LINGO2: variants seen among roughly 807,000 people sequenced by gnomAD.
LINGO2 encodes the protein leucine-rich repeat and immunoglobulin-like domain-containing nogo receptor-interacting protein 2.
A neutral mutation model predicts 30.6 loss-of-function variants in LINGO2; 14 were observed. The observed-to-expected ratio is 0.46, with a 90% CI of 0.30 to 0.72. LINGO2 has a LOEUF of 0.72. Ranked by LOEUF, LINGO2 falls within the 30% of genes least tolerant of loss-of-function variation. The pLI, the probability that LINGO2 is intolerant of heterozygous loss-of-function variation, is 0.07. For synonymous variants in LINGO2, 317 were observed against 288.5 expected, an observed-to-expected ratio of 1.10 and a Z score of -1.00; for missense variants, 729 against 751.7, an observed-to-expected ratio of 0.97 and a Z score of 0.35.
the LINGO2 span, among the ~76,000 whole-genome samples, chr9:28,934,693 A>T: frequency 2.3e-5 from 2 of 88,002 alleles, no homozygotes; most frequent in Admixed American, 2.5e-4. Flanking sequence ...TAAAAAAGTT[A>T]AAACAATAAA....
At chr9:28,956,026 C>T in the LINGO2 span, among the ~76,000 whole-genome samples, 3 of 151,772 alleles carry the variant, frequency 2.0e-5, no homozygotes, top group African/African-American at 7.3e-5. Flanking sequence ...ATGCTATATT[C>T]ACTGTAAGTA....
intron 3 of LINGO2, among the ~76,000 whole-genome samples, chr9:28,346,368 A>G (rs556469706): frequency 3.9e-5 from 6 of 152,310 alleles, no homozygotes; most frequent in Non-Finnish European, 8.8e-5. Flanking sequence ...CACAAAGGAC[A>G]TGATCTCATT....
chr9:29,033,893 CA>C, the LINGO2 span, among the ~76,000 whole-genome samples: 1 of 151,858 alleles, frequency 6.6e-6, no homozygotes, highest in Non-Finnish European at 1.5e-5. Context: ...CCAGCCTGGC[CA>C]ATATGGTGCA....
At chr9:28,468,439 T>C (rs1825395627) in intron 2 of LINGO2, among the ~76,000 whole-genome samples, 2 of 152,140 alleles carry the variant, frequency 1.3e-5, no homozygotes, top group Admixed American at 1.3e-4. Flanking sequence ...ACCAGTGGCA[T>C]GCATGCAAAA....
Position 28,436,497 on chromosome 9 carries a change from G to C in LINGO2, c.-279+39443C>G, listed in dbSNP as rs1356141146. On this transcript the variant is annotated intron_variant, in intron 2 of 5. Transcript: ENST00000379992. Reference sequence around the variant, plus strand: ...TTTTGAGATGGAGTCTCGCTCTGTCGCCAAGGCTGGAATGCAGTGGCGCAG... The same window carrying C: ...TTTTGAGATGGAGTCTCGCTCTGTCCCCAAGGCTGGAATGCAGTGGCGCAG... Among the ~76,000 whole-genome samples the C allele has an allele frequency of 3.3e-5, 5 of 150,842 alleles. No individual in the cohort carries two copies. In the East Asian group the frequency reaches 9.7e-4, roughly 29 times the overall value.
chr9:28,402,717 C>G (rs1461843889), intron 2 of LINGO2, among the ~76,000 whole-genome samples: 1 of 152,050 alleles, frequency 6.6e-6, no homozygotes, highest in Non-Finnish European at 1.5e-5. Context: ...ACACATCTGA[C>G]ATGACATGCA....
the LINGO2 span, among the ~76,000 whole-genome samples, chr9:28,748,499 C>T: frequency 6.6e-6 from 1 of 151,984 alleles, no homozygotes; most frequent in Non-Finnish European, 1.5e-5. Flanking sequence ...TGATTCATTA[C>T]TAAAACACTG....
At chr9:28,286,073 A>G (rs549549499) in intron 4 of LINGO2, among the ~76,000 whole-genome samples, 153 of 152,314 alleles carry the variant, frequency 1.0e-3, no homozygotes, top group African/African-American at 3.4e-3. Context: ...TAAATCCTCT[A>G]TGCTATTATG....
At chr9:29,026,203 T>C in the LINGO2 span, among the ~76,000 whole-genome samples, 1 of 151,984 alleles carries the variant, frequency 6.6e-6, no homozygotes, top group African/African-American at 2.4e-5. Context: ...CAGCTAATCA[T>C]TTTGATTTTC....
the LINGO2 span, among the ~76,000 whole-genome samples, chr9:28,869,447 A>G: frequency 6.6e-6 from 1 of 151,964 alleles, no homozygotes; most frequent in Non-Finnish European, 1.5e-5. Context: ...GAGTGGGGGG[A>G]GGGGTCACAG....
At chr9:28,033,649 A>C (rs537387004) in intron 4 of LINGO2, among the ~76,000 whole-genome samples, 1 of 150,108 alleles carries the variant, frequency 6.7e-6, no homozygotes, top group African/African-American at 2.4e-5. Context: ...TTATAATGGC[A>C]AAAAAAAAAT....
intron 2 of LINGO2, among the ~76,000 whole-genome samples, chr9:28,390,592 A>T (rs1284441233): frequency 6.6e-6 from 1 of 152,060 alleles, no homozygotes; most frequent in East Asian, 1.9e-4. Context: ...AAAAAGAGAA[A>T]ACTTCAGAAT....
chr9:28,294,683 T>G (rs544416765), intron 4 of LINGO2, among the ~76,000 whole-genome samples: 1 of 152,310 alleles, frequency 6.6e-6, no homozygotes, highest in Non-Finnish European at 1.5e-5. Flanking sequence ...TAATACAGTA[T>G]GTCATTGTAT....
At chr9:28,104,659 C>T (rs1262606450) in intron 4 of LINGO2, among the ~76,000 whole-genome samples, 1 of 151,866 alleles carries the variant, frequency 6.6e-6, no homozygotes, top group African/African-American at 2.4e-5. Context: ...TTTTGTATTT[C>T]TGTATGTTTT....
chr9:28,807,975 G>A, the LINGO2 span, among the ~76,000 whole-genome samples: 210 of 152,200 alleles, frequency 1.4e-3, 3 homozygotes, highest in African/African-American at 4.7e-3. Flanking sequence ...TGGTCTTACT[G>A]ACCTTATTAT....
At chr9:28,621,670 G>T (rs977954317) in intron 1 of LINGO2, among the ~76,000 whole-genome samples, 1 of 151,884 alleles carries the variant, frequency 6.6e-6, no homozygotes, top group Non-Finnish European at 1.5e-5. Context: ...CAGTGTTTTT[G>T]CACATATTAA....
intron 5 of LINGO2, among the ~76,000 whole-genome samples, chr9:27,985,355 A>G (rs1563882984): frequency 6.6e-6 from 1 of 151,952 alleles, no homozygotes; most frequent in South Asian, 2.1e-4. Flanking sequence ...TAAAATTTAC[A>G]GTATACATCC....
At chr9:28,052,379 T>C (rs181576100) in intron 4 of LINGO2, among the ~76,000 whole-genome samples, 3 of 152,202 alleles carry the variant, frequency 2.0e-5, no homozygotes, top group Admixed American at 2.0e-4. Flanking sequence ...ACGAAGCACA[T>C]TGCTCACACC....
the LINGO2 span, among the ~76,000 whole-genome samples, chr9:28,877,645 G>C: frequency 5.3e-5 from 8 of 152,138 alleles, no homozygotes; most frequent in African/African-American, 1.7e-4. Context: ...TGCTGTTTTG[G>C]TGACTGTAGC....
Sources: gnomAD v4.1 joint callset for allele counts (sites outside exome capture counted in the v4.1 genomes callset) on GRCh38, gnomAD v4.1.1 for gene constraint, MANE v1.5 for transcripts, NCBI Gene and HGNC (gene_info 2026-07-23, HGNC 2026-07-21) for gene names.